The following SRD5A2 variants were observed in gnomAD, a reference collection of about 807,000 sequenced individuals.
SRD5A2 encodes steroid 5 alpha-reductase 2.
A neutral mutation model predicts 27.4 loss-of-function variants in SRD5A2; 30 were observed. The ratio of observed to expected loss-of-function variants is 1.10; its 90% CI spans 0.82 to 1.49. The LOEUF (loss-of-function observed/expected upper bound fraction) is 1.49, where lower values mean the gene tolerates loss of function less well. SRD5A2 is among the 40% of genes most tolerant of loss of function. The pLI, the probability that SRD5A2 is intolerant of heterozygous loss-of-function variation, is 0.00. For synonymous variants in SRD5A2, 141 were observed against 133.6 expected (o/e 1.06, Z -0.38); for missense variants, 348 against 323.4 (o/e 1.08, Z -0.58).
chr2:31,585,692 A>G (rs1221631223), upstream of SRD5A2, among the ~76,000 whole-genome samples: 1 of 152,124 alleles, frequency 6.6e-6, no homozygotes, highest in Non-Finnish European at 1.5e-5. Flanking sequence ...TGAGCCTCTG[A>G]GACTAGCTGG....
At chr2:31,613,191 T>C in the SRD5A2 span, among the ~76,000 whole-genome samples, 1 of 152,066 alleles carries the variant, frequency 6.6e-6, no homozygotes, top group African/African-American at 2.4e-5. Flanking sequence ...CTAAAAAGCT[T>C]CTGCACAACA....
chr2:31,649,112 C>A, the SRD5A2 span, among the ~76,000 whole-genome samples: 1 of 152,186 alleles, frequency 6.6e-6, no homozygotes, highest in Non-Finnish European at 1.5e-5. Context: ...TGTTTTCTAG[C>A]ACATCACATT....
chr2:31,611,257 C>A, the SRD5A2 span, among the ~76,000 whole-genome samples: 1 of 152,006 alleles, frequency 6.6e-6, no homozygotes, highest in Admixed American at 6.6e-5. Context: ...TGAGTCCTAC[C>A]AAAATTATAG....
chr2:31,655,293 G>T, the SRD5A2 span, among the ~76,000 whole-genome samples: 1 of 152,076 alleles, frequency 6.6e-6, no homozygotes, highest in African/African-American at 2.4e-5. Context: ...GAGAGACGGG[G>T]TTTCACCATG....
At position 31,525,813 on chromosome 2, in the gene SRD5A2, TGC is replaced by T. The variant is rs1487076525; in HGVS notation, c.*381_*382del. On this transcript the variant is annotated 3_prime_UTR_variant, in exon 5 of 5. Coordinates refer to ENST00000622030, the MANE Select transcript of SRD5A2 (RefSeq NM_000348.4). Reference sequence around the variant, plus strand: ...TACCTTTAATAAGGTCTATAAGTACTGCCTTCAAGTCAAAAAATTCTTGATTA... The same window carrying T: ...TACCTTTAATAAGGTCTATAAGTACTCTTCAAGTCAAAAAATTCTTGATTA... 8.0e-6 allele frequency: 2 copies of T among 249,820 alleles called. No individual in the cohort carries two copies. The highest frequency in any genetic ancestry group is 4.4e-5 in the African/African-American group (2 of 45,854). The allele number at this position is 249,820 out of a possible 1,614,324, so 15.5% of individuals were successfully genotyped here.
Position 31,531,374 on chromosome 2 carries a change from G to C in SRD5A2, c.544C>G (p.Gln182Glu). Residue 182 changes from glutamine (Q) to glutamate (E), a missense_variant, in exon 3 of 5, where the codon CAA (glutamine) becomes GAA (glutamate). Transcript: ENST00000622030. Reference protein sequence around the residue: ...KPGEISYRIPQGGLFTYVSGA... With the variant: ...KPGEISYRIPEGGLFTYVSGA... ...CTGGGGGCAGGGGAGACATTACCTT[G>C]TGGAATCCTGTAGCTGATTTCTCCA... The C allele has an allele frequency of 6.3e-7, 1 of 1,577,020 alleles. No individual in the cohort carries two copies. Among genetic ancestry groups the C allele is most frequent in the Non-Finnish European group, 8.6e-7 (1 of 1,159,746 alleles).
the SRD5A2 span, among the ~76,000 whole-genome samples, chr2:31,660,966 G>C: frequency 6.6e-6 from 1 of 152,070 alleles, no homozygotes; most frequent in Admixed American, 6.6e-5. Flanking sequence ...TAATCCACCA[G>C]TGTGTTGCTT....
intron 1 of SRD5A2, among the ~76,000 whole-genome samples, chr2:31,574,364 T>C (rs1666913535): frequency 6.6e-6 from 1 of 152,234 alleles, no homozygotes; most frequent in Non-Finnish European, 1.5e-5. Flanking sequence ...TTTCTTGCCA[T>C]GTAACTTGGT....
intron 1 of SRD5A2, among the ~76,000 whole-genome samples, chr2:31,548,174 A>G (rs908281180): frequency 2.0e-5 from 3 of 152,188 alleles, no homozygotes; most frequent in Admixed American, 2.0e-4. Context: ...GCATCATGAT[A>G]CTGTATCTGG....
the SRD5A2 span, among the ~76,000 whole-genome samples, chr2:31,601,610 C>A: frequency 6.6e-6 from 1 of 151,004 alleles, no homozygotes; most frequent in Non-Finnish European, 1.5e-5. Context: ...AGAGATACAA[C>A]GAAAAAACTT....
chr2:31,602,789 C>CAA, the SRD5A2 span, among the ~76,000 whole-genome samples: 1 of 150,526 alleles, frequency 6.6e-6, no homozygotes, highest in Non-Finnish European at 1.5e-5. Context: ...ACAAAACTGA[C>CAA]AAAAAAAAGA....
At chr2:31,628,387 G>A in the SRD5A2 span, among the ~76,000 whole-genome samples, 30 of 152,150 alleles carry the variant, frequency 2.0e-4, no homozygotes, top group East Asian at 3.9e-4. Flanking sequence ...TGGGCCTCTC[G>A]AAGACAGCGT....
chr2:31,623,024 G>A, the SRD5A2 span, among the ~76,000 whole-genome samples: 1 of 152,094 alleles, frequency 6.6e-6, no homozygotes, highest in Non-Finnish European at 1.5e-5. Flanking sequence ...GTAGTTGTAA[G>A]AGGATCACCT....
the SRD5A2 span, among the ~76,000 whole-genome samples, chr2:31,607,659 CT>C: frequency 1.3e-5 from 2 of 152,000 alleles, no homozygotes; most frequent in African/African-American, 4.8e-5. Flanking sequence ...GAAAAGAATC[CT>C]GATGAAAGTG....
chr2:31,585,860 T>G (rs773081022), upstream of SRD5A2, among the ~76,000 whole-genome samples: 110 of 152,192 alleles, frequency 7.2e-4, no homozygotes, highest in Non-Finnish European at 1.2e-3. Flanking sequence ...CAGGCAGCAG[T>G]CACCACCAGC....
the SRD5A2 span, among the ~76,000 whole-genome samples, chr2:31,628,934 T>C: frequency 6.6e-6 from 1 of 152,202 alleles, no homozygotes; most frequent in Non-Finnish European, 1.5e-5. Flanking sequence ...TTGGCCTTCT[T>C]ATGTAGTATT....
the SRD5A2 span, among the ~76,000 whole-genome samples, chr2:31,597,100 A>C: frequency 6.6e-6 from 1 of 151,876 alleles, no homozygotes; most frequent in Non-Finnish European, 1.5e-5. Context: ...ACTATACTAC[A>C]GTCATGGTAC....
intron 4 of SRD5A2, 151 bp downstream of exon 4, chr2:31,529,156 C>T: frequency 8.7e-7 from 1 of 1,149,832 alleles, no homozygotes. Flanking sequence ...ACAAGCCCAG[C>T]AAGTCAGAAT....
the SRD5A2 span, among the ~76,000 whole-genome samples, chr2:31,619,170 TAAC>T: frequency 6.6e-6 from 1 of 152,130 alleles, no homozygotes; most frequent in Non-Finnish European, 1.5e-5. Context: ...TAACAAATGT[TAAC>T]AAGGATACAG....
Sources: allele counts gnomAD v4.1 joint callset (sites outside exome capture counted in the v4.1 genomes callset), GRCh38; gene constraint gnomAD v4.1.1; transcripts MANE v1.5; gene names NCBI Gene and HGNC (gene_info 2026-07-23, HGNC 2026-07-21).